NSUN6: variants seen among roughly 807,000 people sequenced by gnomAD.
NSUN6 encodes tRNA (cytosine(72)-C(5))-methyltransferase NSUN6.
A neutral mutation model predicts 58.0 loss-of-function variants in NSUN6; 64 were observed. That is an observed-to-expected ratio of 1.10 (90% CI 0.90 to 1.36). The LOEUF is 1.36. Among genes scored for constraint, NSUN6 ranks in the 40% most tolerant of loss-of-function variants. The probability of loss-of-function intolerance (pLI) is 0.00; values close to 1 mark genes in which losing one functional copy is unlikely to be tolerated. For missense variants in NSUN6, 701 were observed against 550.1 expected, an observed-to-expected ratio of 1.27 and a Z score of -2.74; for synonymous variants, 231 against 193.9, an observed-to-expected ratio of 1.19 and a Z score of -1.59.
intron 5 of NSUN6, among the ~76,000 whole-genome samples, chr10:18,612,437 AGTCCT>A (rs1467911553): frequency 1.3e-5 from 2 of 152,178 alleles, no homozygotes; most frequent in African/African-American, 4.8e-5. Flanking sequence ...AAGCAAAGTC[AGTCCT>A]TTGTTGTGAC....
At chr10:18,623,369 A>T (rs1486418136) in intron 3 of NSUN6, among the ~76,000 whole-genome samples, 11 of 152,204 alleles carry the variant, frequency 7.2e-5, no homozygotes, top group Non-Finnish European at 1.5e-4. Context: ...TAAAAATCTG[A>T]GGAGAAAATT....
intron 8 of NSUN6, among the ~76,000 whole-genome samples, chr10:18,554,028 A>C (rs1190902820): frequency 6.6e-6 from 1 of 151,226 alleles, no homozygotes; most frequent in East Asian, 2.0e-4. Flanking sequence ...GGAATGGCAT[A>C]GAGAATGAAC....
chr10:18,627,343 C>T (rs1227966685), intron 3 of NSUN6, among the ~76,000 whole-genome samples: 1 of 151,994 alleles, frequency 6.6e-6, no homozygotes, highest in African/African-American at 2.4e-5. Context: ...AGTAAAAAAT[C>T]AGAGGAAGAA....
intron 6 of NSUN6, among the ~76,000 whole-genome samples, chr10:18,609,139 T>C (rs1043604898): frequency 3.3e-4 from 50 of 151,908 alleles, no homozygotes; most frequent in African/African-American, 1.2e-3. Flanking sequence ...TGAGACCCCA[T>C]CTCTACAAAA....
chr10:18,599,912 T>C (rs2057738883), intron 6 of NSUN6, among the ~76,000 whole-genome samples: 1 of 152,042 alleles, frequency 6.6e-6, no homozygotes, highest in Admixed American at 6.6e-5. Flanking sequence ...TAATACTTCT[T>C]AATTCTGTGG....
At chr10:18,582,941 C>G (rs560664586) in intron 8 of NSUN6, among the ~76,000 whole-genome samples, 4 of 152,066 alleles carry the variant, frequency 2.6e-5, no homozygotes, top group Admixed American at 6.6e-5. Context: ...CAAGTTGTTA[C>G]GATGTATTTG....
chr10:18,547,670 C>A (rs1284538145), intron 10 of NSUN6, among the ~76,000 whole-genome samples: 1 of 151,860 alleles, frequency 6.6e-6, no homozygotes, highest in African/African-American at 2.4e-5. Context: ...AGCAATAATC[C>A]AGAAATACTT....
At chr10:18,604,136 C>G (rs535125981) in intron 6 of NSUN6, among the ~76,000 whole-genome samples, 1 of 152,094 alleles carries the variant, frequency 6.6e-6, no homozygotes, top group Non-Finnish European at 1.5e-5. Flanking sequence ...GAGCTGAGAT[C>G]GTGCCGCTGC....
At chr10:18,584,461 C>A (rs568364164) in intron 8 of NSUN6, among the ~76,000 whole-genome samples, 10 of 152,194 alleles carry the variant, frequency 6.6e-5, no homozygotes, top group African/African-American at 2.2e-4. Flanking sequence ...TGCAGCTAAT[C>A]AGGTTTTTGG....
intron 3 of NSUN6, among the ~76,000 whole-genome samples, chr10:18,627,350 A>T (rs1435037921): frequency 6.6e-6 from 1 of 152,228 alleles, no homozygotes; most frequent in Non-Finnish European, 1.5e-5. Context: ...AATCAGAGGA[A>T]GAAAACACCC....
intron 2 of NSUN6, among the ~76,000 whole-genome samples, chr10:18,643,672 A>T (rs1195755536): frequency 6.6e-6 from 1 of 151,296 alleles, no homozygotes; most frequent in Non-Finnish European, 1.5e-5. Flanking sequence ...AATCAATCAA[A>T]TCCTTCTTCC....
intron 7 of NSUN6, among the ~76,000 whole-genome samples, chr10:18,588,536 T>G (rs2057258915): frequency 6.6e-6 from 1 of 152,144 alleles, no homozygotes; most frequent in African/African-American, 2.4e-5. Context: ...GAGTTCCAGC[T>G]AGCATCGGGC....
chr10:18,614,714 T>A, intron 4 of NSUN6, 101 bp from the exon 5 acceptor site: 1 of 470,882 alleles, frequency 2.1e-6, no homozygotes, highest in Non-Finnish European at 3.5e-6. Context: ...GCATCAATAG[T>A]GGGCATGAAG....
chr10:18,566,631 T>A (rs1332530832), intron 8 of NSUN6, among the ~76,000 whole-genome samples: 4 of 151,466 alleles, frequency 2.6e-5, no homozygotes, highest in South Asian at 4.2e-4. Context: ...TCCATTCTAT[T>A]CCATTCCATT....
At chr10:18,619,205 G>C (rs2131376126) in intron 3 of NSUN6, among the ~76,000 whole-genome samples, 1 of 152,304 alleles carries the variant, frequency 6.6e-6, no homozygotes, top group Non-Finnish European at 1.5e-5. Flanking sequence ...GTGTCACTTA[G>C]TTTTTGCCAA....
chr10:18,610,577 C>T lies in NSUN6; in HGVS notation c.576-651G>A, dbSNP rs7910167. Among the ~76,000 whole-genome samples, 437 of 152,268 alleles carry T rather than the reference C, an allele frequency of 2.9e-3. 2 individuals carry two copies. The highest frequency in any genetic ancestry group is 9.8e-3 in the African/African-American group (408 of 41,534). On this transcript the variant is annotated intron_variant, in intron 5 of 10. Transcript: ENST00000377304. Reference sequence around the variant, plus strand: ...TGTCAGCTCTTTATAGAATAATTGCCTGGTACTGACACAATCCCAAGGATA... The same window carrying T: ...TGTCAGCTCTTTATAGAATAATTGCTTGGTACTGACACAATCCCAAGGATA...
chr10:18,548,270 A>T (rs765904830), intron 9 of NSUN6, 33 bp from the exon 10 acceptor site: 2 of 1,570,190 alleles, frequency 1.3e-6, no homozygotes, highest in Non-Finnish European at 8.7e-7. Context: ...CACACACAGC[A>T]CAAGACCAGA....
chr10:18,639,088 C>G (rs2059315312), intron 3 of NSUN6, among the ~76,000 whole-genome samples: 1 of 151,210 alleles, frequency 6.6e-6, no homozygotes, highest in African/African-American at 2.4e-5. Flanking sequence ...GACCTCGTCT[C>G]AAACAAACAA....
upstream of NSUN6, among the ~76,000 whole-genome samples, chr10:18,653,750 G>A (rs2059746822): frequency 1.3e-5 from 2 of 152,148 alleles, no homozygotes; most frequent in Admixed American, 6.5e-5. Context: ...TTCTAAGGCT[G>A]GATCCAAGAA....
Sources: allele counts gnomAD v4.1 joint callset (sites outside exome capture counted in the v4.1 genomes callset), GRCh38; gene constraint gnomAD v4.1.1; transcripts MANE v1.5; gene names NCBI Gene and HGNC (gene_info 2026-07-23, HGNC 2026-07-21).